Variants in MRTFB observed in about 807,000 individuals in gnomAD.
MRTFB encodes the protein myocardin-related transcription factor B.
A neutral mutation model predicts 104.2 loss-of-function variants in MRTFB; 29 were observed. The observed-to-expected ratio is 0.28, with a 90% CI of 0.21 to 0.38. The LOEUF is 0.38. Ranked by LOEUF, MRTFB falls within the 10% of genes least tolerant of loss-of-function variation. The probability of loss-of-function intolerance (pLI) is 1.00; values close to 1 mark genes in which losing one functional copy is unlikely to be tolerated. For synonymous variants in MRTFB, 535 were observed against 519.5 expected (o/e 1.03, Z -0.41); for missense variants, 1,270 against 1,341.6 (o/e 0.95, Z 0.83).
chr16:14,120,811 A>G (rs1203751703), intron 2 of MRTFB, among the ~76,000 whole-genome samples: 1 of 152,046 alleles, frequency 6.6e-6, no homozygotes, highest in South Asian at 2.1e-4. Flanking sequence ...GGTGGACTTG[A>G]TTTTGTGGAG....
intron 3 of MRTFB, 135 bp downstream of exon 3, chr16:14,140,895 G>A: frequency 1.2e-6 from 1 of 847,126 alleles, no homozygotes; most frequent in East Asian, 2.7e-5. Context: ...TAGAGGTACT[G>A]GATGGTTTTT....
Position 14,260,950 on chromosome 16 carries a change from A to G in MRTFB, c.2806A>G (p.Lys936Glu). ...AAAAGAAGAACCTTCTCCTATTTCC[A>G]AAATGAGACCAGTGACAGCCAGCAT... Reference protein sequence around the residue: ...PIKEEPSPISKMRPVTASITT... With the variant: ...PIKEEPSPISEMRPVTASITT... The change falls in exon 17 of 17, where the codon AAA becomes GAA. Residue 936 changes from lysine to glutamate, a missense_variant. By Grantham distance (56) the Lys-to-Glu change is moderately conservative. Around this residue, in one of 3 missense-constraint regions of MRTFB, gnomAD observed 1,144 missense variants for 1,131.5 expected, o/e 1.01. Transcript: ENST00000571589. 1.2e-6 allele frequency: 2 copies of G among 1,613,318 alleles called. No individual in the cohort carries two copies. The highest frequency in any genetic ancestry group is 1.7e-6 in the Non-Finnish European group (2 of 1,179,430).
At chr16:14,008,876 T>C in the MRTFB span, among the ~76,000 whole-genome samples, 1 of 151,390 alleles carries the variant, frequency 6.6e-6, no homozygotes, top group African/African-American at 2.4e-5. Flanking sequence ...AGTTTTGCAA[T>C]GTAAAAAGCC....
the MRTFB span, among the ~76,000 whole-genome samples, chr16:14,023,675 G>GTATATATATA: frequency 9.7e-5 from 14 of 145,070 alleles, no homozygotes; most frequent in African/African-American, 1.8e-4. Flanking sequence ...GTGTGTGTGT[G>GTATATATATA]TCTATATATA....
At chr16:14,163,952 G>C (rs1453235300) in intron 3 of MRTFB, among the ~76,000 whole-genome samples, 1 of 152,134 alleles carries the variant, frequency 6.6e-6, no homozygotes, top group African/African-American at 2.4e-5. Flanking sequence ...ATATTTATGG[G>C]AGTGGTGTAA....
At chr16:14,140,406 T>G (rs2037934223) in intron 2 of MRTFB, 138 bp from the exon 3 acceptor site, 1 of 535,240 alleles carries the variant, frequency 1.9e-6, no homozygotes, top group African/African-American at 1.9e-5. Flanking sequence ...GAACCTGAGG[T>G]CCAGAGAGGG....
chr16:14,171,499 G>A lies in MRTFB; in HGVS notation c.154+30739G>A, dbSNP rs536215753. Among the ~76,000 whole-genome samples, 291 of 138,846 alleles carry A rather than the reference G, an allele frequency of 2.1e-3. 1 individual carries two copies. The highest frequency in any genetic ancestry group is 7.0e-3 in the African/African-American group (270 of 38,496). 91.1% of individuals were successfully genotyped at this position (138,846 alleles called of 152,430 possible). ...GGGCGACAGAGTGAGACTCTGTCTC[G>A]AAAAAAAAAAAAATACATTTACACA... On this transcript the variant is annotated intron_variant, in intron 3 of 16. Coordinates refer to ENST00000571589, the MANE Select transcript of MRTFB (RefSeq NM_001308142.2).
chr16:14,095,035 G>T lies in MRTFB; in HGVS notation c.-64+15681G>T, dbSNP rs367766282. Among the ~76,000 whole-genome samples, 14 of 152,284 alleles carry T rather than the reference G, an allele frequency of 9.2e-5. No individual in the cohort carries two copies. The East Asian group carries it at 1.7e-3, about 19-fold the overall frequency. ...ATAGCACTGCTGGTTAGGGCACCCC[G>T]TAGGTCTAAAATAGTCTTCTTATCT... On this transcript the variant is annotated intron_variant, in intron 2 of 16. Coordinates refer to ENST00000571589, the MANE Select transcript of MRTFB (RefSeq NM_001308142.2).
At chr16:14,148,197 C>G (rs1297717351) in intron 3 of MRTFB, among the ~76,000 whole-genome samples, 3 of 152,138 alleles carry the variant, frequency 2.0e-5, no homozygotes, top group Non-Finnish European at 4.4e-5. Flanking sequence ...GCTATAACCT[C>G]CTAGCTACTT....
chr16:14,200,611 A>G, intron 3 of MRTFB: 6 of 1,589,724 alleles, frequency 3.8e-6, no homozygotes, highest in Non-Finnish European at 5.2e-6. Flanking sequence ...CAGGTAGACT[A>G]ATGGTTGGCC....
the MRTFB span, among the ~76,000 whole-genome samples, chr16:14,006,248 CAGG>C: frequency 1.3e-5 from 2 of 151,990 alleles, no homozygotes; most frequent in Admixed American, 1.3e-4. Flanking sequence ...GAGGCTGAGG[CAGG>C]AGAACCACTT....
At chr16:13,996,143 A>G in the MRTFB span, among the ~76,000 whole-genome samples, 1 of 152,012 alleles carries the variant, frequency 6.6e-6, no homozygotes, top group Non-Finnish European at 1.5e-5. Flanking sequence ...ATGGTAGTAC[A>G]CACTTGTAAT....
chr16:14,048,655 G>C, the MRTFB span, among the ~76,000 whole-genome samples: 1 of 152,186 alleles, frequency 6.6e-6, no homozygotes, highest in Non-Finnish European at 1.5e-5. Context: ...TTAATCAGGG[G>C]AATCACATGA....
the MRTFB span, among the ~76,000 whole-genome samples, chr16:13,996,270 TC>T: frequency 0.032 from 4,842 of 149,518 alleles, 250 homozygotes; most frequent in African/African-American, 0.11. Context: ...ATACTCTGTC[TC>T]AACAACAACA....
chr16:14,129,458 GA>G (rs1393760838), intron 2 of MRTFB, among the ~76,000 whole-genome samples: 1 of 152,128 alleles, frequency 6.6e-6, no homozygotes, highest in Non-Finnish European at 1.5e-5. Flanking sequence ...TTCACTAGTT[GA>G]TGAACATTTA....
At chr16:14,149,466 A>C (rs1164763517) in intron 3 of MRTFB, 1 of 152,234 alleles carries the variant, frequency 6.6e-6, no homozygotes, top group African/African-American at 2.4e-5. Flanking sequence ...CCTCTTTGAC[A>C]GAAGCCTTGA....
chr16:14,156,069 A>G (rs1039271508), intron 3 of MRTFB, among the ~76,000 whole-genome samples: 15 of 152,228 alleles, frequency 9.9e-5, no homozygotes, highest in African/African-American at 3.6e-4. Flanking sequence ...GCCTCCAGGC[A>G]GAAAGTTAGG....
chr16:14,180,041 A>C (rs917348519), intron 3 of MRTFB, among the ~76,000 whole-genome samples: 1 of 152,222 alleles, frequency 6.6e-6, no homozygotes, highest in Admixed American at 6.5e-5. Context: ...CAGCGATTGG[A>C]AGTTTTAAAA....
rs2043927374 is a variant in MRTFB, at chr16:14,265,771, C to T, written c.*4327C>T. The T allele has an allele frequency of 6.6e-6, 1 of 152,212 alleles. No individual in the cohort carries two copies. Among genetic ancestry groups the T allele is most frequent in the African/African-American group, 2.4e-5 (1 of 41,446 alleles). The allele number at this position is 152,212 out of a possible 1,614,324, so 9.4% of individuals were successfully genotyped here. On this transcript the variant is annotated 3_prime_UTR_variant, in exon 17 of 17. Transcript: ENST00000571589. ...TTACCCTCCATGCAAACACTTTGCT[C>T]TGTGGTGTCACAGCTTTGTGACAAT...
Sources: allele counts gnomAD v4.1 joint callset (sites outside exome capture counted in the v4.1 genomes callset), GRCh38; gene constraint gnomAD v4.1.1; regional missense constraint gnomAD v4.1.1; transcripts MANE v1.5; gene names NCBI Gene and HGNC (gene_info 2026-07-23, HGNC 2026-07-21).